NR5A2: variants seen among roughly 807,000 people sequenced by gnomAD.
The protein encoded by NR5A2 is nuclear receptor subfamily 5 group A member 2, also known as CYP7A promoter-binding factor.
A neutral mutation model predicts 62.7 loss-of-function variants in NR5A2; 26 were observed. The observed-to-expected ratio is 0.41, with a 90% confidence interval of 0.30 to 0.58. NR5A2 has a LOEUF of 0.58. Ranked by LOEUF, NR5A2 falls within the 20% of genes least tolerant of loss-of-function variation. The probability of loss-of-function intolerance (pLI) is 0.22; values close to 1 mark genes in which losing one functional copy is unlikely to be tolerated. For missense variants in NR5A2, 541 were observed against 669.1 expected (o/e 0.81, Z 2.11); for synonymous variants, 246 against 241.7 (o/e 1.02, Z -0.16).
chr1:200,113,282 C>A (rs79893901), intron 6 of NR5A2, among the ~76,000 whole-genome samples: 9,682 of 152,184 alleles, frequency 0.064, 446 homozygotes, highest in Non-Finnish European at 0.096. Flanking sequence ...CCCTCCCCAC[C>A]CTTTAAAGTG....
rs746873521 is a variant in NR5A2, at chr1:200,089,471, ACTTT to A, written c.1111-21718_1111-21715del. 8.0e-4 allele frequency among the ~76,000 whole-genome samples: 116 copies of A among 144,324 alleles called. 1 individual carries two copies. Among genetic ancestry groups the A allele is most frequent in the Admixed American group, 7.7e-4 (11 of 14,322 alleles). 94.7% of individuals were successfully genotyped at this position (144,324 alleles called of 152,430 possible). ...CACACCTGGCCTGCAACTTTGTACA[ACTTT>A]CTTTCTTTCTTTTGAGAAGGAATCA... On this transcript the variant is annotated intron_variant, in intron 5 of 7. Transcript: ENST00000367362.
chr1:200,047,794 T>C (rs747487492), intron 4 of NR5A2, among the ~76,000 whole-genome samples: 15 of 152,132 alleles, frequency 9.9e-5, no homozygotes, highest in Admixed American at 2.0e-4. Context: ...GCCAGGCTGG[T>C]CTTGAACTCC....
At position 200,120,225 on chromosome 1, in the gene NR5A2, T is replaced by C. The variant is rs57500040; in HGVS notation, c.1231-583T>C. On this transcript the variant is annotated intron_variant, in intron 6 of 7. Transcript: ENST00000367362. ...CTTGAACTATGATTACTTTAAAATG[T>C]AGTCTCATAATACAAGTAGAAATAT... Among the ~76,000 whole-genome samples, 615 of 152,322 alleles carry C rather than the reference T, an allele frequency of 4.0e-3. 7 individuals are homozygous for C. The highest frequency in any genetic ancestry group is 0.014 in the African/African-American group (572 of 41,576).
At chr1:200,053,340 C>T (rs1662747645) in intron 5 of NR5A2, among the ~76,000 whole-genome samples, 1 of 152,036 alleles carries the variant, frequency 6.6e-6, no homozygotes, top group South Asian at 2.1e-4. Flanking sequence ...AACAGATGTG[C>T]ATCAAAAGAT....
chr1:200,030,800 A>G (rs570781000), intron 1 of NR5A2, among the ~76,000 whole-genome samples: 85 of 152,328 alleles, frequency 5.6e-4, no homozygotes, highest in African/African-American at 1.6e-3. Flanking sequence ...CATATTATCC[A>G]CAGAAGGTTA....
In NR5A2 at chr1:200,127,709, A is replaced by AATATATATAT. The variant is rs71132667; in HGVS notation, c.1378+6767_1378+6776dup. The stretch of plus-strand genomic sequence containing the variant: ...AAAAAAAAAAAAAAAAAAAAAAAAA[A>AATATATATAT]ATATATATATATATATATATATGGT... On this transcript the variant is annotated intron_variant, in intron 7 of 7. Coordinates refer to ENST00000367362, the MANE Select transcript of NR5A2 (RefSeq NM_205860.3). Among the ~76,000 whole-genome samples the AATATATATAT allele has an allele frequency of 6.6e-3, 152 of 23,176 alleles. 1 individual carries two copies. Among genetic ancestry groups the AATATATATAT allele is most frequent in the East Asian group, 0.03 (17 of 572 alleles). 15.2% of individuals were successfully genotyped at this position (23,176 alleles called of 152,430 possible). A position where few individuals can be genotyped will look rare whatever the true frequency, so the allele number is the denominator to read the frequency against.
intron 5 of NR5A2, among the ~76,000 whole-genome samples, chr1:200,095,657 A>G (rs1010875417): frequency 6.6e-6 from 1 of 151,720 alleles, no homozygotes; most frequent in East Asian, 1.9e-4. Flanking sequence ...GGTTCACGCC[A>G]TCCTCCTGCC....
At chr1:200,164,328 C>A (rs1049905114) in intron 7 of NR5A2, among the ~76,000 whole-genome samples, 1 of 152,156 alleles carries the variant, frequency 6.6e-6, no homozygotes, top group African/African-American at 2.4e-5. Flanking sequence ...GGATTATGAT[C>A]ACCTCTGGGG....
intron 7 of NR5A2, among the ~76,000 whole-genome samples, chr1:200,167,805 GT>G (rs1255888662): frequency 3.9e-5 from 6 of 152,122 alleles, no homozygotes; most frequent in African/African-American, 1.4e-4. Flanking sequence ...ATAGACCACT[GT>G]CTGCTAGGAT....
chr1:200,142,051 T>G (rs1163176291), intron 7 of NR5A2, among the ~76,000 whole-genome samples: 2 of 152,118 alleles, frequency 1.3e-5, no homozygotes, highest in Non-Finnish European at 2.9e-5. Context: ...CTACTGTGTC[T>G]TCTAGTTTTT....
intron 5 of NR5A2, among the ~76,000 whole-genome samples, chr1:200,049,092 CTG>C (rs1043012661): frequency 1.8e-4 from 28 of 151,844 alleles, no homozygotes; most frequent in East Asian, 1.9e-4. Flanking sequence ...AGTAGAATAT[CTG>C]TATTCCTTTT....
At chr1:200,123,823 C>T (rs2737684) in intron 7 of NR5A2, among the ~76,000 whole-genome samples, 65,627 of 137,958 alleles carry the variant, frequency 0.48, 15,413 homozygotes, top group East Asian at 0.7. Flanking sequence ...TTTTTTGAAA[C>T]GGAGTTTCAC....
rs1654348542 is a variant in NR5A2 at position 200,174,875 on chromosome 1, A to G, written c.*665A>G. 1 of 152,654 alleles carries G rather than the reference A, an allele frequency of 6.6e-6. No homozygotes were observed. Among genetic ancestry groups the G allele is most frequent in the South Asian group, 2.1e-4 (1 of 4,836 alleles). 9.5% of individuals were successfully genotyped at this position (152,654 alleles called of 1,614,324 possible). Reference sequence around the variant, plus strand: ...AATTCTATTAATATGTTAGCTTGCCATTTTAAATATGTTCTGAGGGTTGTT... The same window carrying G: ...AATTCTATTAATATGTTAGCTTGCCGTTTTAAATATGTTCTGAGGGTTGTT... On this transcript the variant is annotated 3_prime_UTR_variant, in exon 8 of 8. Transcript: ENST00000367362.
chr1:200,104,291 T>C (rs1425378901), intron 5 of NR5A2, among the ~76,000 whole-genome samples: 3 of 152,236 alleles, frequency 2.0e-5, no homozygotes, highest in African/African-American at 7.2e-5. Context: ...GTAGTGTTTT[T>C]AGTGCTTGTT....
chr1:200,062,115 ACTT>A (rs1312282781), intron 5 of NR5A2, among the ~76,000 whole-genome samples: 3 of 152,052 alleles, frequency 2.0e-5, no homozygotes, highest in Non-Finnish European at 2.9e-5. Flanking sequence ...GTTTTAAATG[ACTT>A]CTTAATTAGC....
At chr1:200,169,688 CAG>C (rs1362100065) in intron 7 of NR5A2, among the ~76,000 whole-genome samples, 1 of 152,170 alleles carries the variant, frequency 6.6e-6, no homozygotes, top group Admixed American at 6.5e-5. Flanking sequence ...TAGATGATAA[CAG>C]ATTGATACTA....
chr1:200,048,356 C>T lies in NR5A2; in HGVS notation c.648C>T (p.Ile216=). ...CCATTTCCTCTGCAATTCAAAACAT[C>T]CACTCTGCCTCCAAAGGCCTACCTC... ...DLTISSAIQN[I]HSASKGLPLN... The change falls in exon 5 of 8, where the codon ATC becomes ATT. Residue 216 remains isoleucine, a synonymous_variant. Coordinates refer to ENST00000367362, the MANE Select transcript of NR5A2 (RefSeq NM_205860.3). The surrounding 1 kb of genome is among the most constrained non-coding windows in gnomAD (Gnocchi z 4.8). The T allele has an allele frequency of 6.2e-7, 1 of 1,614,166 alleles. No individual in the cohort carries two copies. Among genetic ancestry groups the T allele is most frequent in the Non-Finnish European group, 8.5e-7 (1 of 1,180,032 alleles).
In NR5A2 at chr1:200,174,948, C is replaced by T. The variant is rs1654352052; in HGVS notation, c.*738C>T. 6.6e-6 allele frequency: 1 copy of T among 152,620 alleles called. No homozygotes were observed. The highest frequency in any genetic ancestry group is 2.1e-4 in the South Asian group (1 of 4,826). 9.5% of individuals were successfully genotyped at this position (152,620 alleles called of 1,614,324 possible). ...AGAAAATGCAGGCAGTATCCCTCATCTTATGTAAGTGTTAATTAATATTAA... is the reference window on the plus strand; with the variant it reads ...AGAAAATGCAGGCAGTATCCCTCATTTTATGTAAGTGTTAATTAATATTAA... On this transcript the variant is annotated 3_prime_UTR_variant, in exon 8 of 8. Transcript: ENST00000367362.
chr1:200,120,351 T>C (rs569085952), intron 6 of NR5A2, among the ~76,000 whole-genome samples: 109 of 152,354 alleles, frequency 7.2e-4, no homozygotes, highest in Non-Finnish European at 7.3e-5. Context: ...TTTCACCTTA[T>C]TCATGAGAGT....
Sources: allele counts gnomAD v4.1 joint callset (sites outside exome capture counted in the v4.1 genomes callset), GRCh38; gene constraint gnomAD v4.1.1; non-coding constraint Gnocchi (gnomAD v3.1); transcripts MANE v1.5; gene names NCBI Gene and HGNC (gene_info 2026-07-23, HGNC 2026-07-21).